The following RBFOX1 variants were observed in gnomAD, a reference collection of about 807,000 sequenced individuals.
The protein encoded by RBFOX1 is RNA binding fox-1 homolog 1.
RBFOX1 carries 8 observed loss-of-function variants against 57.7 expected under a neutral mutation model. That is an observed-to-expected ratio of 0.14 (90% CI 0.08 to 0.25). The LOEUF is 0.25. Among genes scored for constraint, RBFOX1 ranks in the 10% least tolerant of loss-of-function variants. The pLI, the probability that RBFOX1 is intolerant of heterozygous loss-of-function variation, is 1.00. For missense variants in RBFOX1, 611 were observed against 548.5 expected, an observed-to-expected ratio of 1.11 and a Z score of -1.14; for synonymous variants, 326 against 222.4, an observed-to-expected ratio of 1.47 and a Z score of -4.15.
intron 2 of RBFOX1, among the ~76,000 whole-genome samples, chr16:6,535,861 A>T (rs566116443): frequency 6.6e-6 from 1 of 152,296 alleles, no homozygotes; most frequent in African/African-American, 2.4e-5. Flanking sequence ...AATAGTGGCA[A>T]TGTAGATTTT....
intron 3 of RBFOX1, among the ~76,000 whole-genome samples, chr16:5,609,245 C>T (rs1261148343): frequency 2.6e-5 from 4 of 152,136 alleles, no homozygotes; most frequent in African/African-American, 9.7e-5. Context: ...ATTCATTACC[C>T]GAATTGGTAG....
chr16:7,458,202 G>C (rs562853331), intron 4 of RBFOX1, among the ~76,000 whole-genome samples: 1 of 152,122 alleles, frequency 6.6e-6, no homozygotes, highest in African/African-American at 2.4e-5. Context: ...ACAAAGACAG[G>C]GACCTTGTCT....
intron 2 of RBFOX1, among the ~76,000 whole-genome samples, chr16:6,620,510 AAG>A (rs1449803247): frequency 1.3e-5 from 2 of 152,220 alleles, no homozygotes; most frequent in Non-Finnish European, 2.9e-5. Context: ...GCTGAACTGA[AAG>A]AGATAGACAC....
intron 4 of RBFOX1, among the ~76,000 whole-genome samples, chr16:5,874,652 A>G (rs1381622090): frequency 6.6e-6 from 1 of 152,194 alleles, no homozygotes; most frequent in African/African-American, 2.4e-5. Flanking sequence ...TGTGCTGAGA[A>G]TAAGGAGAGC....
intron 1 of RBFOX1, among the ~76,000 whole-genome samples, chr16:5,334,828 C>T (rs2064855246): frequency 6.6e-6 from 1 of 151,508 alleles, no homozygotes; most frequent in African/African-American, 2.4e-5. Context: ...CCACAGTTGG[C>T]CATCTTTAAG....
chr16:7,649,369 C>T (rs1317714949), intron 11 of RBFOX1, among the ~76,000 whole-genome samples: 2 of 151,952 alleles, frequency 1.3e-5, no homozygotes, highest in Non-Finnish European at 2.9e-5. Context: ...GATATCAGGA[C>T]ACTCCTAAAG....
intron 11 of RBFOX1, among the ~76,000 whole-genome samples, chr16:7,644,798 A>G (rs1231529206): frequency 6.6e-6 from 1 of 152,224 alleles, no homozygotes; most frequent in Non-Finnish European, 1.5e-5. Context: ...ACAGGGTAAT[A>G]TGATGGTAAC....
chr16:5,404,523 T>A (rs1002193580), intron 1 of RBFOX1, among the ~76,000 whole-genome samples: 1 of 152,096 alleles, frequency 6.6e-6, no homozygotes, highest in African/African-American at 2.4e-5. Context: ...GCAAATTGAG[T>A]GTGAAGGTAA....
intron 3 of RBFOX1, among the ~76,000 whole-genome samples, chr16:6,771,444 G>A (rs2078276120): frequency 6.6e-6 from 1 of 152,074 alleles, no homozygotes; most frequent in Non-Finnish European, 1.5e-5. Context: ...CTGCATTGGT[G>A]TCTTCTTAGA....
intron 3 of RBFOX1, among the ~76,000 whole-genome samples, chr16:5,848,177 T>C (rs1415261130): frequency 6.6e-6 from 1 of 152,058 alleles, no homozygotes. Flanking sequence ...TTGCAGTTTG[T>C]TTTGTCCAGC....
chr16:5,497,029 A>T (rs2043023488), intron 2 of RBFOX1, among the ~76,000 whole-genome samples: 2 of 152,164 alleles, frequency 1.3e-5, no homozygotes, highest in South Asian at 4.1e-4. Context: ...ATATTGAGTA[A>T]ATTGAATTTT....
chr16:7,445,959 C>G (rs2098804445), intron 4 of RBFOX1, among the ~76,000 whole-genome samples: 1 of 152,112 alleles, frequency 6.6e-6, no homozygotes, highest in African/African-American at 2.4e-5. Flanking sequence ...TGTTTTCTTG[C>G]CTAAAGAAGC....
chr16:7,462,503 A>G (rs897443722), intron 4 of RBFOX1, among the ~76,000 whole-genome samples: 1 of 152,234 alleles, frequency 6.6e-6, no homozygotes, highest in African/African-American at 2.4e-5. Flanking sequence ...AACAAAAACA[A>G]AACAAACAAA....
chr16:5,876,990 G>A (rs973192587), intron 4 of RBFOX1, among the ~76,000 whole-genome samples: 6 of 152,164 alleles, frequency 3.9e-5, no homozygotes, highest in African/African-American at 7.2e-5. Context: ...AGTCTAGAAC[G>A]TGGTGAGTTA....
At chr16:7,313,738 T>G (rs957038985) in intron 4 of RBFOX1, among the ~76,000 whole-genome samples, 1 of 152,074 alleles carries the variant, frequency 6.6e-6, no homozygotes, top group South Asian at 2.1e-4. Flanking sequence ...GAGTTGAAAT[T>G]AATGGCTTCA....
chr16:6,465,448 A>G (rs973887133), intron 2 of RBFOX1, among the ~76,000 whole-genome samples: 6 of 152,052 alleles, frequency 3.9e-5, no homozygotes, highest in Non-Finnish European at 7.4e-5. Context: ...ATATCCTTTC[A>G]TTTCTGTCTG....
chr16:7,200,507 T>C (rs1952390578), intron 4 of RBFOX1, among the ~76,000 whole-genome samples: 1 of 152,232 alleles, frequency 6.6e-6, no homozygotes, highest in South Asian at 2.1e-4. Context: ...TGTTGCAATA[T>C]ACCCCACAGA....
At chr16:7,250,094 G>A (rs1032743055) in intron 4 of RBFOX1, among the ~76,000 whole-genome samples, 1 of 152,126 alleles carries the variant, frequency 6.6e-6, no homozygotes, top group Non-Finnish European at 1.5e-5. Flanking sequence ...TTTTGAACCA[G>A]TTGTGTTTCC....
chr16:5,950,717 G>A (rs942922437), intron 4 of RBFOX1, among the ~76,000 whole-genome samples: 9 of 152,154 alleles, frequency 5.9e-5, no homozygotes, highest in Non-Finnish European at 1.2e-4. Context: ...CATTTATCAG[G>A]CACCTACTGG....
Sources: allele counts gnomAD v4.1 joint callset (sites outside exome capture counted in the v4.1 genomes callset), GRCh38; gene constraint gnomAD v4.1.1; transcripts MANE v1.5; gene names NCBI Gene and HGNC (gene_info 2026-07-23, HGNC 2026-07-21).